Variants in MYBPC1 observed in about 807,000 individuals in gnomAD.
MYBPC1 encodes myosin binding protein C1.
In MYBPC1, 52 loss-of-function variants were observed where a neutral mutation model predicts 147.1. That is an observed-to-expected ratio of 0.35 (90% CI 0.28 to 0.45). The LOEUF is 0.45. Among genes scored for constraint, MYBPC1 ranks in the 20% least tolerant of loss-of-function variants. The probability of loss-of-function intolerance (pLI) is 1.00; values close to 1 mark genes in which losing one functional copy is unlikely to be tolerated. For synonymous variants in MYBPC1, 477 were observed against 475.9 expected (o/e 1.00, Z -0.03); for missense variants, 1,228 against 1,440.3 (o/e 0.85, Z 2.39).
the MYBPC1 span, among the ~76,000 whole-genome samples, chr12:101,693,685 T>C: frequency 3.3e-5 from 5 of 152,148 alleles, no homozygotes; most frequent in Non-Finnish European, 7.4e-5. Flanking sequence ...TTGCAGTGAG[T>C]TCAGATTGCG....
intron 23 of MYBPC1, chr12:101,669,894 G>GCAC (rs1898189122): frequency 6.9e-6 from 2 of 288,260 alleles, no homozygotes; most frequent in Non-Finnish European, 1.3e-5. Context: ...CAATGCCACT[G>GCAC]CACTCCAGCC....
At position 101,666,505 on chromosome 12, in the gene MYBPC1, T is replaced by G. The variant is rs1594000984; in HGVS notation, c.2357-1227T>G. The G allele has an allele frequency of 1.8e-5, 9 of 489,684 alleles. No individual in the cohort carries two copies. The East Asian group carries it at 3.4e-4, about 19-fold the overall frequency. The allele number at this position is 489,684 out of a possible 1,614,324, so 30.3% of individuals were successfully genotyped here. A position where few individuals can be genotyped will look rare whatever the true frequency, so the allele number is the denominator to read the frequency against. ...TTCTCCTCTTCTCTATTCTTTTCTT[T>G]TTTCTCCTCTTCTCTGTGGCAGGTG... On this transcript the variant is annotated intron_variant, in intron 22 of 31. Transcript: ENST00000361466.
intron 29 of MYBPC1, 68 bp downstream of exon 29, chr12:101,680,597 C>T: frequency 3.8e-6 from 6 of 1,574,706 alleles, no homozygotes; most frequent in Non-Finnish European, 3.5e-6. Flanking sequence ...GTTCTTAATG[C>T]TTATTGTTCT....
At chr12:101,641,330 T>C (rs1326816707) in intron 10 of MYBPC1, among the ~76,000 whole-genome samples, 1 of 152,120 alleles carries the variant, frequency 6.6e-6, no homozygotes, top group Non-Finnish European at 1.5e-5. Flanking sequence ...ATAAAAATAG[T>C]CATGTAAATG....
intron 4 of MYBPC1, among the ~76,000 whole-genome samples, 193 bp downstream of exon 4, chr12:101,627,103 G>T (rs1888776605): frequency 6.6e-6 from 1 of 152,196 alleles, no homozygotes; most frequent in South Asian, 2.1e-4. Flanking sequence ...AAACTTCTTA[G>T]AAAGAGGCAT....
chr12:101,601,289 TGTC>T (rs1363473175), intron 1 of MYBPC1, among the ~76,000 whole-genome samples: 2 of 152,220 alleles, frequency 1.3e-5, no homozygotes, highest in Non-Finnish European at 1.5e-5. Flanking sequence ...CATACTGTCT[TGTC>T]GTAATTCTGC....
At chr12:101,597,588 C>T (rs953420898) in intron 1 of MYBPC1, among the ~76,000 whole-genome samples, 1 of 152,130 alleles carries the variant, frequency 6.6e-6, no homozygotes, top group Non-Finnish European at 1.5e-5. Flanking sequence ...CTTTGGATCT[C>T]GAAGAGGAAG....
chr12:101,603,160 C>T (rs572224858), intron 1 of MYBPC1, among the ~76,000 whole-genome samples: 1 of 151,794 alleles, frequency 6.6e-6, no homozygotes, highest in African/African-American at 2.4e-5. Flanking sequence ...GCCTGACCAA[C>T]ATGGAAAAAC....
chr12:101,661,787 T>C (rs1276120125), intron 20 of MYBPC1, among the ~76,000 whole-genome samples: 1 of 150,878 alleles, frequency 6.6e-6, no homozygotes, highest in Non-Finnish European at 1.5e-5. Context: ...TACTCGCTAC[T>C]CAGGAGGCTG....
At chr12:101,597,848 T>C (rs1877977273) in intron 1 of MYBPC1, among the ~76,000 whole-genome samples, 1 of 152,100 alleles carries the variant, frequency 6.6e-6, no homozygotes, top group Non-Finnish European at 1.5e-5. Context: ...CTAGTACAAT[T>C]AAGTTATTCC....
chr12:101,684,389 A>G lies in MYBPC1; in HGVS notation c.3500A>G (p.His1167Arg), dbSNP rs1238795671. Residue 1167 changes from histidine (H) to arginine (R), a missense_variant, in exon 31 of 32, where the codon CAC becomes CGC. Transcript: ENST00000361466. ...VFLEGQQQSL[H>R]NKDF ...TCTTTCTCTTTTCCTTAGTCATTGCACAATAAGGATTTTTGAATGTATAAT... is the reference window on the plus strand; with the variant it reads ...TCTTTCTCTTTTCCTTAGTCATTGCGCAATAAGGATTTTTGAATGTATAAT... 3 of 1,588,276 alleles carry G rather than the reference A, an allele frequency of 1.9e-6. No homozygotes were observed. Among genetic ancestry groups the G allele is most frequent in the Non-Finnish European group, 2.6e-6 (3 of 1,164,756 alleles).
chr12:101,607,044 G>A (rs1249473473), intron 1 of MYBPC1, among the ~76,000 whole-genome samples: 2 of 151,888 alleles, frequency 1.3e-5, no homozygotes, highest in Non-Finnish European at 2.9e-5. Context: ...CAGGCTACTC[G>A]TGAACTCCTG....
chr12:101,682,821 C>T (rs952747011), intron 30 of MYBPC1, among the ~76,000 whole-genome samples, 159 bp downstream of exon 30: 1 of 152,088 alleles, frequency 6.6e-6, no homozygotes, highest in Non-Finnish European at 1.5e-5. Context: ...ACAAGGAAGG[C>T]CAAATTATTC....
At chr12:101,618,024 C>A (rs115056847) in intron 3 of MYBPC1, among the ~76,000 whole-genome samples, 1 of 152,180 alleles carries the variant, frequency 6.6e-6, no homozygotes, top group South Asian at 2.1e-4. Context: ...TAAAAGTGAA[C>A]CTTTTATTTG....
At chr12:101,658,724 T>C (rs934729361) in intron 18 of MYBPC1, among the ~76,000 whole-genome samples, 1 of 152,214 alleles carries the variant, frequency 6.6e-6, no homozygotes, top group African/African-American at 2.4e-5. Context: ...ATTAAAATCT[T>C]ACATTAGAAT....
chr12:101,617,123 C>G, intron 2 of MYBPC1, 79 bp from the exon 3 acceptor site: 2 of 1,326,700 alleles, frequency 1.5e-6, no homozygotes, highest in African/African-American at 2.9e-5. Context: ...TTCTTCCCTC[C>G]CCCTCTCCAC....
At position 101,597,750 on chromosome 12, in the gene MYBPC1, G is replaced by A. The variant is rs575593078; in HGVS notation, c.25+2655G>A. Among the ~76,000 whole-genome samples, 4 of 152,286 alleles carry A rather than the reference G, an allele frequency of 2.6e-5. No homozygotes were observed. The South Asian group carries it at 8.3e-4, about 32-fold the overall frequency. ...TCTACCATCATCAATTGTATATTAT[G>A]TATTCTTTGGAGAACTATGTTATTT... On this transcript the variant is annotated intron_variant, in intron 1 of 31. Transcript: ENST00000361466.
Position 101,642,488 on chromosome 12 carries a change from T to G in MYBPC1, c.735T>G (p.Ser245Arg). 6.2e-7 allele frequency: 1 copy of G among 1,613,908 alleles called. No homozygotes were observed. Among genetic ancestry groups the G allele is most frequent in the Non-Finnish European group, 8.5e-7 (1 of 1,180,000 alleles). ...VWELLKNAKP[S>R]EYEKIAFQYG... is the part of the protein sequence containing the mutation. ...AGTTGCTGAAGAACGCGAAACCCAG[T>G]GAGTACGAGAAGATCGCCTTCCAGT... The change falls in exon 11 of 32, where the codon AGT (serine) becomes AGG (arginine). Residue 245 changes from serine to arginine, a missense_variant. This residue lies in a region of MYBPC1 where 1,077 missense variants were observed against 1,314.2 expected (regional missense o/e 0.82). Coordinates refer to ENST00000361466, the MANE Select transcript of MYBPC1 (RefSeq NM_002465.4).
rs768440077 is a variant in MYBPC1, at chr12:101,662,517, G to T, written c.2192G>T (p.Ser731Ile). Residue 731 changes from serine (S) to isoleucine (I), a missense_variant, in exon 21 of 32, where the codon AGT (serine) becomes ATT (isoleucine). Ser to Ile is a moderately radical substitution (Grantham distance 142, BLOSUM62 -2). Transcript: ENST00000361466. ...AATGCCATTGGCATCTCCAAGCCCAGTATGCCCTCCAGGCCTTTTGTTCCT... is the reference window on the plus strand; with the variant it reads ...AATGCCATTGGCATCTCCAAGCCCATTATGCCCTCCAGGCCTTTTGTTCCT... The part of the protein sequence containing the change: ...AVNAIGISKP[S>I]MPSRPFVPLA... The T allele has an allele frequency of 1.9e-6, 3 of 1,614,210 alleles. No individual in the cohort carries two copies. Among genetic ancestry groups the T allele is most frequent in the Admixed American group, 1.7e-5 (1 of 60,024 alleles).
Sources: allele counts gnomAD v4.1 joint callset (sites outside exome capture counted in the v4.1 genomes callset), GRCh38; gene constraint gnomAD v4.1.1; regional missense constraint gnomAD v4.1.1; transcripts MANE v1.5; gene names NCBI Gene and HGNC (gene_info 2026-07-23, HGNC 2026-07-21).